The following BRINP3 variants were observed in gnomAD, a reference collection of about 807,000 sequenced individuals.
The protein encoded by BRINP3 is BMP/retinoic acid inducible neural specific 3.
A neutral mutation model predicts 71.0 loss-of-function variants in BRINP3; 19 were observed. The observed-to-expected ratio is 0.27, with a 90% CI of 0.19 to 0.39. The LOEUF (loss-of-function observed/expected upper bound fraction) is 0.39, where lower values mean the gene tolerates loss of function less well. BRINP3 is among the 10% of genes least tolerant of loss of function. The probability of loss-of-function intolerance (pLI) is 1.00; values close to 1 mark genes in which losing one functional copy is unlikely to be tolerated. For synonymous variants in BRINP3, 380 were observed against 337.7 expected (o/e 1.13, Z -1.37); for missense variants, 959 against 940.8 (o/e 1.02, Z -0.25).
chr1:190,351,719 G>T (rs74130710), intron 2 of BRINP3, among the ~76,000 whole-genome samples: 5 of 151,952 alleles, frequency 3.3e-5, no homozygotes, highest in Non-Finnish European at 5.9e-5. Flanking sequence ...CATGCAGTTT[G>T]GTTGAAGAGT....
intron 2 of BRINP3, among the ~76,000 whole-genome samples, chr1:190,452,950 A>C (rs1675718540): frequency 6.6e-6 from 1 of 152,266 alleles, no homozygotes; most frequent in African/African-American, 2.4e-5. Flanking sequence ...ATAAGACAGC[A>C]CCTTAGACCT....
At chr1:190,338,588 A>C (rs1188594112) in intron 2 of BRINP3, among the ~76,000 whole-genome samples, 2 of 152,064 alleles carry the variant, frequency 1.3e-5, no homozygotes, top group East Asian at 3.9e-4. Flanking sequence ...ATATCAAAAC[A>C]TAAGTGATGT....
intron 6 of BRINP3, among the ~76,000 whole-genome samples, chr1:190,195,622 G>A (rs1271207380): frequency 6.6e-6 from 1 of 151,704 alleles, no homozygotes; most frequent in Non-Finnish European, 1.5e-5. Flanking sequence ...GTCTCTCATA[G>A]AAAGGTACAT....
chr1:190,316,022 A>T (rs1044063489), intron 2 of BRINP3, among the ~76,000 whole-genome samples: 1 of 77,402 alleles, frequency 1.3e-5, no homozygotes, highest in Non-Finnish European at 2.6e-5. Flanking sequence ...TTGATCCCCC[A>T]TGATCAATCC....
chr1:190,239,235 T>A (rs934867335), intron 4 of BRINP3, among the ~76,000 whole-genome samples: 1 of 152,078 alleles, frequency 6.6e-6, no homozygotes, highest in African/African-American at 2.4e-5. Flanking sequence ...CCATATCAAG[T>A]GGCAATCAGT....
intron 2 of BRINP3, among the ~76,000 whole-genome samples, chr1:190,407,408 T>C (rs1286122389): frequency 6.6e-6 from 1 of 152,138 alleles, no homozygotes; most frequent in Non-Finnish European, 1.5e-5. Flanking sequence ...CCTTACATAA[T>C]AGATCATCAA....
At chr1:190,140,952 G>A (rs1232991172) in intron 7 of BRINP3, among the ~76,000 whole-genome samples, 1 of 152,014 alleles carries the variant, frequency 6.6e-6, no homozygotes, top group Non-Finnish European at 1.5e-5. Flanking sequence ...CTTACAAACA[G>A]AGAGGCTATT....
intron 7 of BRINP3, among the ~76,000 whole-genome samples, chr1:190,104,734 G>A (rs1207573674): frequency 6.6e-6 from 1 of 151,930 alleles, no homozygotes; most frequent in Non-Finnish European, 1.5e-5. Flanking sequence ...TTCTAGATGT[G>A]TAACGCTTTT....
intron 7 of BRINP3, among the ~76,000 whole-genome samples, chr1:190,111,304 C>CT (rs774660415): frequency 2.1e-5 from 3 of 144,356 alleles, no homozygotes; most frequent in Non-Finnish European, 3.0e-5. Context: ...TATTTCTTTT[C>CT]TTTTTTTAAT....
intron 2 of BRINP3, among the ~76,000 whole-genome samples, chr1:190,282,368 A>T (rs990231279): frequency 1.3e-5 from 2 of 151,974 alleles, no homozygotes; most frequent in East Asian, 3.9e-4. Flanking sequence ...AAAATGAAAG[A>T]TATGTCTATA....
At chr1:190,185,198 A>AT (rs1158430877) in intron 6 of BRINP3, among the ~76,000 whole-genome samples, 3 of 152,164 alleles carry the variant, frequency 2.0e-5, no homozygotes, top group Non-Finnish European at 4.4e-5. Flanking sequence ...ATATTTGCAA[A>AT]TATTTTATAT....
intron 2 of BRINP3, among the ~76,000 whole-genome samples, chr1:190,383,964 T>C (rs1006642585): frequency 1.1e-4 from 17 of 152,054 alleles, no homozygotes; most frequent in African/African-American, 4.1e-4. Context: ...GTAGTTATTA[T>C]AGTTATCCCA....
chr1:190,376,998 A>G (rs1405054792), intron 2 of BRINP3, among the ~76,000 whole-genome samples: 2 of 152,070 alleles, frequency 1.3e-5, no homozygotes, highest in African/African-American at 4.8e-5. Context: ...GTCATTAACC[A>G]TATGTTGGTA....
intron 1 of BRINP3, among the ~76,000 whole-genome samples, chr1:190,468,463 T>C (rs1471686692): frequency 6.6e-6 from 1 of 151,264 alleles, no homozygotes; most frequent in Non-Finnish European, 1.5e-5. Context: ...GTCTTTCAAA[T>C]TGATTGAACA....
chr1:190,260,054 A>C (rs1216789162), intron 4 of BRINP3, among the ~76,000 whole-genome samples: 1 of 147,146 alleles, frequency 6.8e-6, no homozygotes, highest in Non-Finnish European at 1.5e-5. Context: ...AAAAAAAAGA[A>C]GCAACTTAAG....
chr1:190,239,558 AT>A (rs956232593), intron 4 of BRINP3, among the ~76,000 whole-genome samples: 20 of 152,216 alleles, frequency 1.3e-4, no homozygotes, highest in African/African-American at 4.8e-4. Context: ...GAAATATCCT[AT>A]TTTTTAATCT....
chr1:190,374,613 T>C (rs903871088), intron 2 of BRINP3, among the ~76,000 whole-genome samples: 3 of 151,732 alleles, frequency 2.0e-5, no homozygotes, highest in Non-Finnish European at 4.4e-5. Context: ...GGGTGTGAAA[T>C]TAAAACACAG....
At chr1:190,351,218 ATG>A (rs370905446) in intron 2 of BRINP3, among the ~76,000 whole-genome samples, 3 of 151,394 alleles carry the variant, frequency 2.0e-5, no homozygotes, top group East Asian at 1.9e-4. Context: ...CACATTGTGT[ATG>A]TGTGTGTGTG....
At chr1:190,271,210 C>T (rs1430723140) in intron 3 of BRINP3, among the ~76,000 whole-genome samples, 1 of 151,578 alleles carries the variant, frequency 6.6e-6, no homozygotes, top group South Asian at 2.1e-4. Flanking sequence ...TTTATGAGGT[C>T]CTGGAAGACA....
Sources: gnomAD v4.1 joint callset for allele counts (sites outside exome capture counted in the v4.1 genomes callset) on GRCh38, gnomAD v4.1.1 for gene constraint, MANE v1.5 for transcripts, NCBI Gene and HGNC (gene_info 2026-07-23, HGNC 2026-07-21) for gene names.